The following LRP6 variants were observed in gnomAD, a reference collection of about 807,000 sequenced individuals.
The protein encoded by LRP6 is low-density lipoprotein receptor-related protein 6.
LRP6 carries 43 observed loss-of-function variants against 184.1 expected under a neutral mutation model. The observed-to-expected ratio is 0.23, with a 90% confidence interval of 0.18 to 0.30. The LOEUF is 0.30. Among genes scored for constraint, LRP6 ranks in the 10% least tolerant of loss-of-function variants. The pLI is 1.00. For synonymous variants in LRP6, 719 were observed against 684.9 expected (o/e 1.05, Z -0.78); for missense variants, 1,571 against 2,005.3 (o/e 0.78, Z 4.14).
intron 1 of LRP6, among the ~76,000 whole-genome samples, chr12:12,248,225 C>T (rs1260883770): frequency 3.3e-5 from 5 of 152,110 alleles, no homozygotes; most frequent in Non-Finnish European, 5.9e-5. Flanking sequence ...CTGTATTTCT[C>T]GTATTTTCAA....
intron 7 of LRP6, among the ~76,000 whole-genome samples, chr12:12,171,806 G>A (rs1846271120): frequency 6.6e-6 from 1 of 152,140 alleles, no homozygotes; most frequent in Non-Finnish European, 1.5e-5. Context: ...TCTTGTACCA[G>A]CCACACAATC....
intron 2 of LRP6, among the ~76,000 whole-genome samples, chr12:12,239,783 C>T (rs1029116019): frequency 6.6e-6 from 1 of 151,482 alleles, no homozygotes; most frequent in Non-Finnish European, 1.5e-5. Context: ...GCAAAGAAAG[C>T]TTTTATTAAA....
At chr12:12,257,622 AT>A (rs995493369) in intron 1 of LRP6, among the ~76,000 whole-genome samples, 3 of 148,704 alleles carry the variant, frequency 2.0e-5, no homozygotes, top group African/African-American at 7.4e-5. Flanking sequence ...AAAGGGCTTA[AT>A]GAAAAAAAAA....
chr12:12,157,694 G>T (rs1293170869), intron 12 of LRP6, among the ~76,000 whole-genome samples: 1 of 152,108 alleles, frequency 6.6e-6, no homozygotes, highest in Non-Finnish European at 1.5e-5. Flanking sequence ...AGAAAGTCAT[G>T]TCAATAGTTA....
intron 2 of LRP6, among the ~76,000 whole-genome samples, chr12:12,240,449 G>A (rs527296736): frequency 3.9e-5 from 6 of 152,136 alleles, no homozygotes; most frequent in South Asian, 4.1e-4. Flanking sequence ...GCAGGTGCCC[G>A]TAGTCCCAGC....
intron 19 of LRP6, among the ~76,000 whole-genome samples, chr12:12,128,401 T>C (rs1157061706): frequency 6.6e-6 from 1 of 152,252 alleles, no homozygotes; most frequent in Non-Finnish European, 1.5e-5. Flanking sequence ...CCTCCTCTTC[T>C]TACTGTCCTG....
intron 7 of LRP6, among the ~76,000 whole-genome samples, chr12:12,177,449 T>C (rs1355620572): frequency 2.6e-5 from 4 of 152,172 alleles, no homozygotes; most frequent in East Asian, 1.9e-4. Flanking sequence ...TCAAGGGAGA[T>C]GAAAAGCTGG....
intron 1 of LRP6, among the ~76,000 whole-genome samples, chr12:12,265,370 G>C (rs568394595): frequency 1.3e-5 from 2 of 152,036 alleles, no homozygotes; most frequent in Non-Finnish European, 2.9e-5. Context: ...ACACAATGCT[G>C]CATTACTACA....
In LRP6 at chr12:12,244,598, T is replaced by A. The variant is rs138911001; in HGVS notation, c.113A>T (p.Asn38Ile). The A allele has an allele frequency of 6.3e-5, 102 of 1,614,066 alleles. No homozygotes were observed. The highest frequency in any genetic ancestry group is 8.5e-5 in the Non-Finnish European group (100 of 1,180,030). ...RRDLRLVDAT[N>I]GKENATIVVG... ...TACAATCGTAGCATTCTCTTTGCCA[T>A]TTGTAGCATCAACCAATCGCAAGTC... The change falls in exon 2 of 23, where the codon AAT becomes ATT. Residue 38 changes from asparagine (N) to isoleucine (I), a missense_variant. Transcript: ENST00000261349.
chr12:12,126,205 T>C (rs932410418), intron 20 of LRP6, among the ~76,000 whole-genome samples: 12 of 152,252 alleles, frequency 7.9e-5, no homozygotes, highest in African/African-American at 2.2e-4. Flanking sequence ...AACTAGCCCT[T>C]TGTCCCTTAT....
chr12:12,128,820 C>A (rs1949709067), intron 19 of LRP6, among the ~76,000 whole-genome samples: 1 of 152,166 alleles, frequency 6.6e-6, no homozygotes, highest in African/African-American at 2.4e-5. Flanking sequence ...AGTGAGGTAC[C>A]TGTGGGTCAA....
intron 2 of LRP6, among the ~76,000 whole-genome samples, chr12:12,209,417 ATCAAG>A (rs1262988341): frequency 3.9e-5 from 6 of 152,208 alleles, no homozygotes; most frequent in Non-Finnish European, 7.4e-5. Flanking sequence ...TAAAAAATAA[ATCAAG>A]TCATGTTTTT....
intron 6 of LRP6, among the ~76,000 whole-genome samples, chr12:12,180,415 T>C (rs2136989409): frequency 6.6e-6 from 1 of 152,238 alleles, no homozygotes; most frequent in African/African-American, 2.4e-5. Context: ...TAAGTGATTC[T>C]TACGGCTCCT....
intron 15 of LRP6, among the ~76,000 whole-genome samples, chr12:12,143,336 TCTAAA>T (rs1255083999): frequency 2.0e-5 from 3 of 152,292 alleles, no homozygotes; most frequent in South Asian, 4.1e-4. Context: ...AATAATTCTC[TCTAAA>T]CTATCAATTT....
chr12:12,168,477 G>A lies in LRP6; in HGVS notation c.1546-3182C>T, dbSNP rs180720315. ...AGAAATGCCTTGACTGAGATAGAAC[G>A]AACACATGGGGGACTCAAAGGATAC... is the stretch of plus-strand genomic sequence containing the variant. On this transcript the variant is annotated intron_variant, in intron 7 of 22. Coordinates refer to ENST00000261349, the MANE Select transcript of LRP6 (RefSeq NM_002336.3). Among the ~76,000 whole-genome samples the A allele has an allele frequency of 4.8e-4, 73 of 152,234 alleles. 2 individuals carry two copies. Among genetic ancestry groups the A allele is most frequent in the Admixed American group, 4.1e-3 (62 of 15,290 alleles).
chr12:12,250,000 T>C (rs961662318), intron 1 of LRP6, among the ~76,000 whole-genome samples: 3 of 152,210 alleles, frequency 2.0e-5, no homozygotes, highest in African/African-American at 7.2e-5. Flanking sequence ...ACTCTTATTT[T>C]ACAAGCATGT....
chr12:12,120,040 T>C lies in LRP6; in HGVS notation c.*1086A>G, dbSNP rs867167380. 1.8e-5 allele frequency: 2 copies of C among 113,624 alleles called. No individual in the cohort carries two copies. Among genetic ancestry groups the C allele is most frequent in the African/African-American group, 6.8e-5 (2 of 29,332 alleles). The allele number at this position is 113,624 out of a possible 1,614,324, so 7.0% of individuals were successfully genotyped here. A position where few individuals can be genotyped will look rare whatever the true frequency, so the allele number is the denominator to read the frequency against. On this transcript the variant is annotated 3_prime_UTR_variant, in exon 23 of 23. Coordinates refer to ENST00000261349, the MANE Select transcript of LRP6 (RefSeq NM_002336.3). ...ATATATATATATATATATATATATA[T>C]ATAAATGATTTCGTACTGTGATATA...
chr12:12,171,762 C>T (rs1338640076), intron 7 of LRP6, among the ~76,000 whole-genome samples: 1 of 152,144 alleles, frequency 6.6e-6, no homozygotes, highest in African/African-American at 2.4e-5. Context: ...AGAGGTGACA[C>T]TATTAGAAAA....
rs544972191 is a variant in LRP6 at position 12,135,304 on chromosome 12, C to A, written c.3608-4G>T. The A allele has an allele frequency of 1.8e-5, 28 of 1,582,352 alleles. No homozygotes were observed. In the East Asian group the frequency reaches 3.2e-4, roughly 18 times the overall value. On this transcript the variant is annotated splice_region_variant and splice_polypyrimidine_tract_variant and intron_variant, in intron 16 of 22. Coordinates refer to ENST00000261349, the MANE Select transcript of LRP6 (RefSeq NM_002336.3). ...TCCTGAGCACAAGGGTGCTGTCCTG[C>A]AAAGAGAAGAGGTGAGGATGGGGAG...
Sources: gnomAD v4.1 joint callset for allele counts (sites outside exome capture counted in the v4.1 genomes callset) on GRCh38, gnomAD v4.1.1 for gene constraint, MANE v1.5 for transcripts, NCBI Gene and HGNC (gene_info 2026-07-23, HGNC 2026-07-21) for gene names.